INVS: variants seen among roughly 807,000 people sequenced by gnomAD.
The protein encoded by INVS is inversion of embryo turning homolog.
Under a neutral mutation model 108.8 loss-of-function variants are expected in INVS, and 86 were observed. That is an observed-to-expected ratio of 0.79 (90% CI 0.66 to 0.95). The LOEUF (loss-of-function observed/expected upper bound fraction) is 0.95, where lower values mean the gene tolerates loss of function less well. Ranked by LOEUF, INVS falls within the 40% of genes least tolerant of loss-of-function variation. INVS has a pLI of 0.00. For missense variants in INVS, 1,169 were observed against 1,297.4 expected, an observed-to-expected ratio of 0.90 and a Z score of 1.52; for synonymous variants, 455 against 473.5, an observed-to-expected ratio of 0.96 and a Z score of 0.51.
At chr9:100,100,888 ATATATAT>A (rs1826911759) in intron 1 of INVS, among the ~76,000 whole-genome samples, 1 of 45,856 alleles carries the variant, frequency 2.2e-5, no homozygotes, top group Non-Finnish European at 3.5e-5. Context: ...TGTATATATA[ATATATAT>A]TATATATGTA....
intron 10 of INVS, among the ~76,000 whole-genome samples, chr9:100,260,400 T>G (rs1220156485): frequency 6.6e-6 from 1 of 151,518 alleles, no homozygotes; most frequent in Non-Finnish European, 1.5e-5. Context: ...ACCATGTTGG[T>G]CAGTCCGGTC....
chr9:100,218,190 A>G (rs1831047256), intron 3 of INVS, among the ~76,000 whole-genome samples: 1 of 152,210 alleles, frequency 6.6e-6, no homozygotes, highest in Non-Finnish European at 1.5e-5. Context: ...TTGTAAATGA[A>G]CAAAAAAATA....
At chr9:100,255,449 T>C (rs1214255926) in intron 10 of INVS, among the ~76,000 whole-genome samples, 1 of 152,146 alleles carries the variant, frequency 6.6e-6, no homozygotes, top group Non-Finnish European at 1.5e-5. Flanking sequence ...TCCAACACTG[T>C]GTTGAATAGG....
chr9:100,118,197 C>T (rs1827610209), intron 2 of INVS, among the ~76,000 whole-genome samples: 1 of 151,510 alleles, frequency 6.6e-6, no homozygotes, highest in Non-Finnish European at 1.5e-5. Context: ...TCACCATTCC[C>T]AGCCAATTTT....
At chr9:100,125,884 C>A (rs968949706) in intron 2 of INVS, among the ~76,000 whole-genome samples, 1 of 152,066 alleles carries the variant, frequency 6.6e-6, no homozygotes, top group African/African-American at 2.4e-5. Context: ...CTGGGTTTCA[C>A]CATGTTGGTC....
chr9:100,236,974 A>C (rs1831706709), intron 5 of INVS, among the ~76,000 whole-genome samples: 1 of 152,204 alleles, frequency 6.6e-6, no homozygotes, highest in Non-Finnish European at 1.5e-5. Flanking sequence ...CTCCTTCCCC[A>C]GGTGCTCTGT....
chr9:100,174,613 T>C (rs1031675564), intron 3 of INVS, among the ~76,000 whole-genome samples: 1 of 151,894 alleles, frequency 6.6e-6, no homozygotes, highest in Non-Finnish European at 1.5e-5. Context: ...TCCAATAAGA[T>C]AAATACAAAG....
At position 100,297,057 on chromosome 9, in the gene INVS, C is replaced by T. The variant is rs777786084; in HGVS notation, c.2927C>T (p.Thr976Ile). 6.2e-6 allele frequency: 10 copies of T among 1,614,040 alleles called. No individual in the cohort carries two copies. The East Asian group carries it at 1.3e-4, about 22-fold the overall frequency. Residue 976 changes from threonine to isoleucine, a missense_variant, in exon 15 of 17, where the codon ACC becomes ATC. Thr to Ile is a moderately conservative substitution (Grantham distance 89). This residue lies in a region of INVS where 533 missense variants were observed against 536.0 expected (regional missense o/e 0.99). Transcript: ENST00000262457. ...RKELELKFPQ[T>I]TAVSKAPKSP... ...GAACTGGAACTAAAATTCCCCCAAA[C>T]CACTGCAGTAAGCAAGGCCCCCAAG... is the stretch of plus-strand genomic sequence containing the variant.
chr9:100,225,748 T>C (rs1831295867), intron 3 of INVS, among the ~76,000 whole-genome samples: 1 of 142,088 alleles, frequency 7.0e-6, no homozygotes, highest in African/African-American at 3.0e-5. Context: ...AAGCATTTAC[T>C]ACAAAAAAAA....
intron 11 of INVS, among the ~76,000 whole-genome samples, chr9:100,271,605 G>C (rs1437344628): frequency 2.0e-5 from 3 of 152,200 alleles, no homozygotes; most frequent in South Asian, 2.1e-4. Context: ...GTATATGAAA[G>C]AGCCTGACTC....
intron 12 of INVS, among the ~76,000 whole-genome samples, chr9:100,279,515 T>A (rs1833214747): frequency 1.3e-5 from 2 of 152,218 alleles, no homozygotes; most frequent in Non-Finnish European, 2.9e-5. Flanking sequence ...AATTCTATAA[T>A]ATAATTCAAT....
chr9:100,172,710 G>A (rs1260813918), intron 3 of INVS, among the ~76,000 whole-genome samples: 4 of 152,192 alleles, frequency 2.6e-5, no homozygotes, highest in Admixed American at 6.5e-5. Flanking sequence ...TTAAAAACAA[G>A]TAGATAGAGA....
chr9:100,272,222 T>A (rs1019645666), intron 11 of INVS, among the ~76,000 whole-genome samples: 1 of 152,218 alleles, frequency 6.6e-6, no homozygotes, highest in African/African-American at 2.4e-5. Context: ...TCCAACATCA[T>A]TTTTTAATCT....
intron 3 of INVS, among the ~76,000 whole-genome samples, chr9:100,173,987 A>G (rs1275264873): frequency 6.6e-6 from 1 of 152,250 alleles, no homozygotes; most frequent in Non-Finnish European, 1.5e-5. Context: ...CAAAAAATGA[A>G]TAGTCTTCAG....
intron 1 of INVS, among the ~76,000 whole-genome samples, chr9:100,100,596 GTACATATAA>G (rs1477694007): frequency 1.4e-4 from 9 of 66,424 alleles, no homozygotes; most frequent in East Asian, 9.4e-4. Context: ...TATAATATAT[GTACATATAA>G]TATATATAAT....
chr9:100,248,504 T>C (rs1832118899), intron 8 of INVS, among the ~76,000 whole-genome samples: 1 of 151,678 alleles, frequency 6.6e-6, no homozygotes, highest in Admixed American at 6.6e-5. Context: ...TAAAAAGAGG[T>C]CTTACCAATA....
intron 3 of INVS, among the ~76,000 whole-genome samples, chr9:100,145,684 G>A (rs1214585343): frequency 1.3e-5 from 2 of 152,122 alleles, no homozygotes; most frequent in African/African-American, 2.4e-5. Flanking sequence ...AAGGACCAAG[G>A]CAGGCGTCCC....
rs999493781 is a variant in INVS, at chr9:100,231,092, G to T, written c.615+1265G>T. Among the ~76,000 whole-genome samples the T allele has an allele frequency of 2.1e-4, 32 of 152,048 alleles. 1 individual carries two copies. The highest frequency in any genetic ancestry group is 1.8e-3 in the Admixed American group (27 of 15,260). On this transcript the variant is annotated intron_variant, in intron 5 of 16. Transcript: ENST00000262457. ...AACTAATTCGCTAAACTCCTTATTT[G>T]TTTCGAATATTTATCAGTAGATTCT...
At chr9:100,105,718 C>T (rs531941231) in intron 2 of INVS, among the ~76,000 whole-genome samples, 1 of 152,198 alleles carries the variant, frequency 6.6e-6, no homozygotes, top group Admixed American at 6.5e-5. Context: ...AATAGTTTTC[C>T]ATGCTCACTG....
Sources: gnomAD v4.1 joint callset for allele counts (sites outside exome capture counted in the v4.1 genomes callset) on GRCh38, gnomAD v4.1.1 for gene constraint, gnomAD v4.1.1 regional missense constraint, MANE v1.5 for transcripts, NCBI Gene and HGNC (gene_info 2026-07-23, HGNC 2026-07-21) for gene names.